LYST: variants seen among roughly 807,000 people sequenced by gnomAD.
The protein encoded by LYST is lysosomal-trafficking regulator.
In LYST, 192 loss-of-function variants were observed where a neutral mutation model predicts 413.6. The ratio of observed to expected loss-of-function variants is 0.46; its 90% CI spans 0.41 to 0.52. The LOEUF (loss-of-function observed/expected upper bound fraction) is 0.52. Ranked by LOEUF, LYST falls within the 20% of genes least tolerant of loss-of-function variation. LYST has a pLI of 0.00. For synonymous variants in LYST, 1,525 were observed against 1,567.3 expected, an observed-to-expected ratio of 0.97 and a Z score of 0.64; for missense variants, 3,815 against 4,499.9, an observed-to-expected ratio of 0.85 and a Z score of 4.35.
At chr1:235,879,404 T>C (rs1327795660) in intron 1 of LYST, among the ~76,000 whole-genome samples, 1 of 152,136 alleles carries the variant, frequency 6.6e-6, no homozygotes, top group African/African-American at 2.4e-5. Context: ...GCGGGAATGG[T>C]CGCCTGCTAA....
intron 2 of LYST, among the ~76,000 whole-genome samples, chr1:235,831,708 G>T (rs1676004236): frequency 6.6e-6 from 1 of 151,842 alleles, no homozygotes; most frequent in South Asian, 2.1e-4. Flanking sequence ...TAATATTTTT[G>T]AATATTAGAA....
chr1:235,682,174 T>C (rs1340410325), intron 48 of LYST, among the ~76,000 whole-genome samples: 1 of 152,062 alleles, frequency 6.6e-6, no homozygotes, highest in Admixed American at 6.6e-5. Flanking sequence ...AGTAGGGCAT[T>C]GTGGTGTGTG....
chr1:235,812,959 G>C lies in LYST; in HGVS notation c.283+12C>G. 7 of 1,565,654 alleles carry C rather than the reference G, an allele frequency of 4.5e-6. No individual in the cohort carries two copies. Among genetic ancestry groups the C allele is most frequent in the Non-Finnish European group, 6.2e-6 (7 of 1,136,322 alleles). Reference sequence around the variant, plus strand: ...GATAACACAAGTGATATGATAAAGGGAAAAAGCATACCTGTTGCCTTTTCT... The same window carrying C: ...GATAACACAAGTGATATGATAAAGGCAAAAAGCATACCTGTTGCCTTTTCT... On this transcript the variant is annotated intron_variant, in intron 4 of 52. Transcript: ENST00000389793.
Position 235,746,120 on chromosome 1 carries a change from G to A in LYST, c.7972+216C>T, listed in dbSNP as rs574406087. On this transcript the variant is annotated intron_variant, in intron 29 of 52. Transcript: ENST00000389793. ...AAGATCATACTGGAAGTGCCATATGGTTTTAAACTGGTCAGTCTGGGCTAG... is the reference window on the plus strand; with the variant it reads ...AAGATCATACTGGAAGTGCCATATGATTTTAAACTGGTCAGTCTGGGCTAG... Among the ~76,000 whole-genome samples the A allele has an allele frequency of 2.0e-5, 3 of 152,262 alleles. No individual in the cohort carries two copies. The South Asian group carries it at 6.2e-4, about 32-fold the overall frequency.
chr1:235,715,448 T>C lies in LYST; in HGVS notation c.9628-91A>G, dbSNP rs187875730. Reference sequence around the variant, plus strand: ...GGATGTTTTTTTTTCTCTCCTTCTCTACTACCCCTTTGAGGCCATTCTCCA... The same window carrying C: ...GGATGTTTTTTTTTCTCTCCTTCTCCACTACCCCTTTGAGGCCATTCTCCA... On this transcript the variant is annotated intron_variant, in intron 41 of 52. Coordinates refer to ENST00000389793, the MANE Select transcript of LYST (RefSeq NM_000081.4). 2.3e-4 allele frequency: 289 copies of C among 1,237,632 alleles called. No individual in the cohort carries two copies. The African/African-American group carries it at 3.9e-3, about 17-fold the overall frequency. 76.7% of individuals were successfully genotyped at this position (1,237,632 alleles called of 1,614,324 possible).
At chr1:235,781,577 T>C (rs547337084) in intron 15 of LYST, among the ~76,000 whole-genome samples, 28 of 152,044 alleles carry the variant, frequency 1.8e-4, no homozygotes, top group Non-Finnish European at 3.8e-4. Flanking sequence ...CCAAGATAAG[T>C]TTACTAGTCA....
chr1:235,729,062 A>C (rs1664140046), intron 37 of LYST, among the ~76,000 whole-genome samples: 1 of 152,192 alleles, frequency 6.6e-6, no homozygotes, highest in South Asian at 2.1e-4. Flanking sequence ...TACAGCATAC[A>C]GATTGATTCT....
At chr1:235,692,130 C>T (rs1467741850) in intron 47 of LYST, among the ~76,000 whole-genome samples, 1 of 150,774 alleles carries the variant, frequency 6.6e-6, no homozygotes, top group Admixed American at 6.6e-5. Context: ...GTCAGGAGTT[C>T]GAGACCAACC....
intron 3 of LYST, among the ~76,000 whole-genome samples, chr1:235,824,518 C>T (rs1170770981): frequency 1.3e-5 from 2 of 152,122 alleles, no homozygotes; most frequent in Non-Finnish European, 2.9e-5. Context: ...ACTAAAGTCA[C>T]TCATCTAGTT....
chr1:235,808,544 T>G lies in LYST; in HGVS notation c.2274A>C (p.Gln758His). ...GGTTATGATGGCTACATACATGACT[T>G]TGAGCTGAAGTAACGCTTAGGTGTT... ...HCQHLSVTSA[Q>H]SHVCSHHNQC... is the part of the protein sequence containing the mutation. The change falls in exon 5 of 53, where the codon CAA (glutamine) becomes CAC (histidine). Residue 758 changes from glutamine to histidine, a missense_variant. Gln to His is a conservative substitution (Grantham distance 24, BLOSUM62 0). Around this residue, in one of 4 missense-constraint regions of LYST, gnomAD observed 1,648 missense variants for 1,810.3 expected, o/e 0.91. Transcript: ENST00000389793. 1 of 1,614,016 alleles carries G rather than the reference T, an allele frequency of 6.2e-7. No homozygotes were observed. The highest frequency in any genetic ancestry group is 1.1e-5 in the South Asian group (1 of 91,078).
chr1:235,723,089 G>C (rs1357317082), intron 39 of LYST, among the ~76,000 whole-genome samples: 1 of 152,184 alleles, frequency 6.6e-6, no homozygotes, highest in African/African-American at 2.4e-5. Flanking sequence ...TGTATGCAGG[G>C]TATGAGAGAA....
chr1:235,828,650 G>T, intron 3 of LYST: 1 of 430,316 alleles, frequency 2.3e-6, no homozygotes, highest in Non-Finnish European at 3.1e-6. Flanking sequence ...TTTTATTAGA[G>T]TCATTCCTCG....
intron 16 of LYST, among the ~76,000 whole-genome samples, chr1:235,778,836 C>T (rs1157907646): frequency 2.6e-5 from 4 of 151,758 alleles, no homozygotes; most frequent in Non-Finnish European, 5.9e-5. Flanking sequence ...TCTGACGTTG[C>T]ACCCTGACAT....
At chr1:235,757,168 C>G in intron 24 of LYST, 113 bp downstream of exon 24, 1 of 695,404 alleles carries the variant, frequency 1.4e-6, no homozygotes, top group East Asian at 2.8e-5. Flanking sequence ...GTTCATTATT[C>G]TAAAATATAA....
intron 47 of LYST, 22 bp downstream of exon 47, chr1:235,693,328 T>C: frequency 6.4e-7 from 1 of 1,552,228 alleles, no homozygotes; most frequent in Admixed American, 1.7e-5. Context: ...AATAAATAAA[T>C]AAAATAAAAT....
In LYST at chr1:235,757,439, CCAAA is replaced by C; in HGVS notation, c.6897_6900del (p.Cys2299TrpfsTer12). On this transcript the variant is annotated frameshift_variant, in exon 24 of 53. Transcript: ENST00000389793. LOFTEE classifies it high-confidence loss of function. ...TCATATAATCCACAGCATATAGGTA[CCAAA>C]CAGTCTTCAGTTACACTAAAACAGA... The C allele has an allele frequency of 6.2e-7, 1 of 1,613,272 alleles. No individual in the cohort carries two copies. The highest frequency in any genetic ancestry group is 8.5e-7 in the Non-Finnish European group (1 of 1,179,566).
intron 36 of LYST, among the ~76,000 whole-genome samples, chr1:235,730,039 T>C (rs1217323428): frequency 6.6e-6 from 1 of 151,840 alleles, no homozygotes; most frequent in Non-Finnish European, 1.5e-5. Context: ...GTATTATTTA[T>C]TTGTTATATA....
At chr1:235,767,274 T>G (rs2103400398) in intron 20 of LYST, among the ~76,000 whole-genome samples, 1 of 152,218 alleles carries the variant, frequency 6.6e-6, no homozygotes, top group African/African-American at 2.4e-5. Flanking sequence ...CACTCTTCAT[T>G]TACTCTTGGG....
chr1:235,820,694 T>C (rs963456990), intron 3 of LYST, among the ~76,000 whole-genome samples: 9 of 152,208 alleles, frequency 5.9e-5, no homozygotes, highest in African/African-American at 2.2e-4. Flanking sequence ...TGATATTACA[T>C]TAAATCTGTA....
Sources: allele counts gnomAD v4.1 joint callset (sites outside exome capture counted in the v4.1 genomes callset), GRCh38; gene constraint gnomAD v4.1.1; regional missense constraint gnomAD v4.1.1; transcripts MANE v1.5; gene names NCBI Gene and HGNC (gene_info 2026-07-23, HGNC 2026-07-21).